Variants in RBFOX1 observed in about 807,000 individuals in gnomAD.
RBFOX1 encodes RNA binding fox-1 homolog 1.
A neutral mutation model predicts 57.7 loss-of-function variants in RBFOX1; 8 were observed. That is an observed-to-expected ratio of 0.14 (90% confidence interval 0.08 to 0.25). The LOEUF is 0.25. Among genes scored for constraint, RBFOX1 ranks in the 10% least tolerant of loss-of-function variants. The pLI, the probability that RBFOX1 is intolerant of heterozygous loss-of-function variation, is 1.00. For missense variants in RBFOX1, 611 were observed against 548.5 expected, an observed-to-expected ratio of 1.11 and a Z score of -1.14; for synonymous variants, 326 against 222.4, an observed-to-expected ratio of 1.47 and a Z score of -4.15.
intron 4 of RBFOX1, among the ~76,000 whole-genome samples, chr16:7,256,808 C>G (rs1313360358): frequency 6.6e-6 from 1 of 152,176 alleles, no homozygotes; most frequent in African/African-American, 2.4e-5. Flanking sequence ...GTCACCAGCT[C>G]TCTCACCGTT....
At chr16:6,977,048 A>G (rs1347496010) in intron 3 of RBFOX1, among the ~76,000 whole-genome samples, 4 of 141,746 alleles carry the variant, frequency 2.8e-5, no homozygotes, top group Admixed American at 7.4e-5. Flanking sequence ...TATATATCAT[A>G]TATCATGTAT....
chr16:6,190,505 A>G (rs2097134791), intron 1 of RBFOX1, among the ~76,000 whole-genome samples: 1 of 152,216 alleles, frequency 6.6e-6, no homozygotes, highest in Non-Finnish European at 1.5e-5. Flanking sequence ...GAAAATTAGG[A>G]TAATAAAAGG....
At chr16:5,777,218 C>T (rs1416625207) in intron 3 of RBFOX1, among the ~76,000 whole-genome samples, 1 of 152,138 alleles carries the variant, frequency 6.6e-6, no homozygotes, top group Non-Finnish European at 1.5e-5. Context: ...TTGCCTTTTC[C>T]AGCTGCAAGA....
At chr16:6,918,566 A>G (rs1439246702) in intron 3 of RBFOX1, among the ~76,000 whole-genome samples, 1 of 152,168 alleles carries the variant, frequency 6.6e-6, no homozygotes, top group Non-Finnish European at 1.5e-5. Flanking sequence ...GGCATCATTT[A>G]AAGAATAAGT....
chr16:7,180,155 C>G lies in RBFOX1; in HGVS notation c.27+128057C>G, dbSNP rs535382588. Reference sequence around the variant, plus strand: ...AGTGTGTTAGCCATTTTCTGCCTTGCAGAACTATTATTATAATATAATAAT... The same window carrying G: ...AGTGTGTTAGCCATTTTCTGCCTTGGAGAACTATTATTATAATATAATAAT... On this transcript the variant is annotated intron_variant, in intron 4 of 15. Transcript: ENST00000550418. Among the ~76,000 whole-genome samples, 111 of 152,134 alleles carry G rather than the reference C, an allele frequency of 7.3e-4. 1 individual carries two copies. The highest frequency in any genetic ancestry group is 2.5e-3 in the African/African-American group (104 of 41,542).
chr16:7,047,539 T>C (rs2048384889), intron 3 of RBFOX1, among the ~76,000 whole-genome samples: 2 of 152,094 alleles, frequency 1.3e-5, no homozygotes, highest in African/African-American at 4.8e-5. Flanking sequence ...TGGATTTCGT[T>C]GATTTTAACT....
chr16:6,542,682 C>T (rs2096839694), intron 2 of RBFOX1, among the ~76,000 whole-genome samples: 1 of 151,414 alleles, frequency 6.6e-6, no homozygotes. Context: ...TTAGTAGAGA[C>T]GGGGTTTCAC....
At chr16:6,420,412 A>T (rs1271786971) in intron 2 of RBFOX1, among the ~76,000 whole-genome samples, 3 of 152,090 alleles carry the variant, frequency 2.0e-5, no homozygotes, top group African/African-American at 7.2e-5. Context: ...TGCACTTTAT[A>T]ATTTTTACAA....
At chr16:5,609,389 G>A (rs1003674813) in intron 3 of RBFOX1, among the ~76,000 whole-genome samples, 1 of 152,170 alleles carries the variant, frequency 6.6e-6, no homozygotes, top group Non-Finnish European at 1.5e-5. Flanking sequence ...GACAGGAGTG[G>A]AATGTGAATG....
At chr16:6,803,179 C>T (rs979991367) in intron 3 of RBFOX1, among the ~76,000 whole-genome samples, 1 of 151,992 alleles carries the variant, frequency 6.6e-6, no homozygotes, top group Non-Finnish European at 1.5e-5. Flanking sequence ...CATTTAAGGA[C>T]ACCAAATGAT....
chr16:6,183,570 T>G (rs1052292262), intron 1 of RBFOX1, among the ~76,000 whole-genome samples: 1 of 152,050 alleles, frequency 6.6e-6, no homozygotes, highest in South Asian at 2.1e-4. Flanking sequence ...GGGATGCTGT[T>G]ATATATGAGA....
intron 4 of RBFOX1, among the ~76,000 whole-genome samples, chr16:5,969,539 G>C (rs189033521): frequency 1.3e-3 from 196 of 148,278 alleles, no homozygotes; most frequent in Non-Finnish European, 2.3e-3. Flanking sequence ...GGCCAGGCTG[G>C]TCTCGAACTG....
At chr16:6,020,935 T>A (rs530975315) in intron 1 of RBFOX1, among the ~76,000 whole-genome samples, 1 of 152,288 alleles carries the variant, frequency 6.6e-6, no homozygotes, top group East Asian at 1.9e-4. Flanking sequence ...CCAGCTCCAT[T>A]CCTTGCTGCC....
At chr16:6,908,647 C>A (rs759088367) in intron 3 of RBFOX1, among the ~76,000 whole-genome samples, 1 of 152,130 alleles carries the variant, frequency 6.6e-6, no homozygotes, top group Non-Finnish European at 1.5e-5. Context: ...CTATTTCTTC[C>A]AGAATATGGC....
At chr16:6,059,508 A>T (rs987172960) in intron 1 of RBFOX1, among the ~76,000 whole-genome samples, 3 of 152,182 alleles carry the variant, frequency 2.0e-5, no homozygotes, top group Non-Finnish European at 2.9e-5. Context: ...TTTACTCTGT[A>T]TATTTAAATG....
At chr16:7,651,409 A>G (rs1207485475) in intron 11 of RBFOX1, among the ~76,000 whole-genome samples, 2 of 152,152 alleles carry the variant, frequency 1.3e-5, no homozygotes, top group African/African-American at 4.8e-5. Flanking sequence ...TTGGAGTTCT[A>G]AGTGCACTAC....
At chr16:6,276,689 C>A (rs1025728318) in intron 1 of RBFOX1, among the ~76,000 whole-genome samples, 4 of 151,510 alleles carry the variant, frequency 2.6e-5, no homozygotes, top group Non-Finnish European at 4.4e-5. Flanking sequence ...CACACATTGA[C>A]TGGTTATGCA....
chr16:7,121,020 C>G (rs1367787233), intron 4 of RBFOX1, among the ~76,000 whole-genome samples: 4 of 151,804 alleles, frequency 2.6e-5, no homozygotes, highest in Non-Finnish European at 5.9e-5. Flanking sequence ...ACACATGACC[C>G]TGTAAAATAG....
At chr16:6,546,372 A>AG (rs2096895646) in intron 2 of RBFOX1, among the ~76,000 whole-genome samples, 2 of 152,214 alleles carry the variant, frequency 1.3e-5, no homozygotes, top group African/African-American at 4.8e-5. Context: ...AAAATGACAG[A>AG]CATTTATTGC....
Sources: gnomAD v4.1 joint callset for allele counts (sites outside exome capture counted in the v4.1 genomes callset) on GRCh38, gnomAD v4.1.1 for gene constraint, MANE v1.5 for transcripts, NCBI Gene and HGNC (gene_info 2026-07-23, HGNC 2026-07-21) for gene names.